Variants in ADAMTS3 observed in about 807,000 individuals in gnomAD.
The protein encoded by ADAMTS3 is A disintegrin and metalloproteinase with thrombospondin motifs 3.
Under a neutral mutation model 129.0 loss-of-function variants are expected in ADAMTS3, and 73 were observed. The observed-to-expected ratio is 0.57, with a 90% confidence interval of 0.47 to 0.69. The LOEUF (loss-of-function observed/expected upper bound fraction) is 0.69. ADAMTS3 is among the 30% of genes least tolerant of loss of function. The pLI is 0.00. For missense variants in ADAMTS3, 1,457 were observed against 1,514.5 expected (o/e 0.96, Z 0.63); for synonymous variants, 477 against 510.8 (o/e 0.93, Z 0.89).
At chr4:72,467,670 C>T (rs17725271) in intron 3 of ADAMTS3, among the ~76,000 whole-genome samples, 34,668 of 151,926 alleles carry the variant, frequency 0.23, 4,384 homozygotes, top group Non-Finnish European at 0.29. Flanking sequence ...TCTTTAAGTC[C>T]AAGTCTTACC....
At chr4:72,511,872 C>T (rs1720324279) in intron 3 of ADAMTS3, among the ~76,000 whole-genome samples, 1 of 152,114 alleles carries the variant, frequency 6.6e-6, no homozygotes, top group Non-Finnish European at 1.5e-5. Flanking sequence ...AAGTGCCCAT[C>T]AACAGATGAA....
chr4:72,490,740 T>A (rs932144012), intron 3 of ADAMTS3, among the ~76,000 whole-genome samples: 11 of 151,908 alleles, frequency 7.2e-5, no homozygotes, highest in Non-Finnish European at 1.3e-4. Context: ...AGTGTAGCTT[T>A]GTAATAAAAT....
At chr4:72,519,941 G>C (rs1159087158) in intron 3 of ADAMTS3, among the ~76,000 whole-genome samples, 2 of 152,124 alleles carry the variant, frequency 1.3e-5, no homozygotes, top group East Asian at 3.8e-4. Context: ...CAGTTTTTCT[G>C]CTCTGTTTTT....
intron 4 of ADAMTS3, among the ~76,000 whole-genome samples, chr4:72,369,430 A>G (rs1720949399): frequency 1.3e-5 from 2 of 152,074 alleles, no homozygotes; most frequent in South Asian, 2.1e-4. Context: ...AAAAAATGTG[A>G]CCGGGCGCGG....
At chr4:72,566,904 A>C (rs760614708) in intron 2 of ADAMTS3, among the ~76,000 whole-genome samples, 1 of 152,244 alleles carries the variant, frequency 6.6e-6, no homozygotes, top group African/African-American at 2.4e-5. Flanking sequence ...AGATTGAATA[A>C]CAGAAGTCAT....
At position 72,446,918 on chromosome 4, in the gene ADAMTS3, A is replaced by T. The variant is rs571406164; in HGVS notation, c.505-31947T>A. Among the ~76,000 whole-genome samples the T allele has an allele frequency of 2.0e-5, 3 of 151,834 alleles. No individual in the cohort carries two copies. In the East Asian group the frequency reaches 5.9e-4, roughly 30 times the overall value. Reference sequence around the variant, plus strand: ...TCCTCCTTAACAAGTCTGCCAACTCAAATTTAAAACCTAAAATTGATATTT... The same window carrying T: ...TCCTCCTTAACAAGTCTGCCAACTCTAATTTAAAACCTAAAATTGATATTT... On this transcript the variant is annotated intron_variant, in intron 3 of 21. Coordinates refer to ENST00000286657, the MANE Select transcript of ADAMTS3 (RefSeq NM_014243.3).
chr4:72,559,060 T>C (rs1346310537), intron 2 of ADAMTS3, among the ~76,000 whole-genome samples: 1 of 150,388 alleles, frequency 6.6e-6, no homozygotes, highest in East Asian at 1.9e-4. Flanking sequence ...ATAAAACCAA[T>C]ACAGAGGAAA....
intron 3 of ADAMTS3, among the ~76,000 whole-genome samples, chr4:72,452,494 G>A (rs903239436): frequency 1.3e-5 from 2 of 151,690 alleles, no homozygotes; most frequent in Admixed American, 1.3e-4. Context: ...ATAATTGTAT[G>A]CTTGAAATGC....
chr4:72,309,832 AAAC>A (rs1442935401), intron 14 of ADAMTS3, among the ~76,000 whole-genome samples: 4 of 152,106 alleles, frequency 2.6e-5, no homozygotes, highest in East Asian at 3.9e-4. Flanking sequence ...GGAGACAAGA[AAAC>A]AACAAGACAG....
At chr4:72,329,343 G>A (rs532083117) in intron 5 of ADAMTS3, among the ~76,000 whole-genome samples, 1 of 152,270 alleles carries the variant, frequency 6.6e-6, no homozygotes, top group African/African-American at 2.4e-5. Flanking sequence ...GAGAACCATG[G>A]ACAGGAAGGA....
chr4:72,472,243 C>T (rs1425623928), intron 3 of ADAMTS3, among the ~76,000 whole-genome samples: 1 of 152,054 alleles, frequency 6.6e-6, no homozygotes, highest in Non-Finnish European at 1.5e-5. Context: ...AAATTCCATG[C>T]CCCTTAGAAG....
intron 3 of ADAMTS3, among the ~76,000 whole-genome samples, 164 bp downstream of exon 3, chr4:72,548,314 A>G (rs542323819): frequency 6.6e-6 from 1 of 152,234 alleles, no homozygotes; most frequent in African/African-American, 2.4e-5. Context: ...TTAAGCCAAA[A>G]TGCATATCTT....
At chr4:72,333,856 T>TTTTC (rs1719916584) in intron 5 of ADAMTS3, among the ~76,000 whole-genome samples, 1 of 135,002 alleles carries the variant, frequency 7.4e-6, no homozygotes. Flanking sequence ...TGCTTTTTTT[T>TTTTC]TTTTTTTTTT....
rs537259720 is a variant in ADAMTS3, at chr4:72,418,136, A to T, written c.505-3165T>A. Reference sequence around the variant, plus strand: ...GCAGTTGATAGTAAAATCAAGTAAAATTTTTTTCCTCCATAATCTCACCAG... The same window carrying T: ...GCAGTTGATAGTAAAATCAAGTAAATTTTTTTTCCTCCATAATCTCACCAG... On this transcript the variant is annotated intron_variant, in intron 3 of 21. Coordinates refer to ENST00000286657, the MANE Select transcript of ADAMTS3 (RefSeq NM_014243.3). Among the ~76,000 whole-genome samples the T allele has an allele frequency of 2.6e-4, 40 of 151,890 alleles. No homozygotes were observed. In the East Asian group the frequency reaches 7.4e-3, roughly 28 times the overall value.
chr4:72,497,565 C>T (rs1053302446), intron 3 of ADAMTS3, among the ~76,000 whole-genome samples: 2 of 151,078 alleles, frequency 1.3e-5, no homozygotes, highest in African/African-American at 4.9e-5. Context: ...AAATTATTAA[C>T]CCAGAAGAAT....
intron 4 of ADAMTS3, among the ~76,000 whole-genome samples, chr4:72,403,978 TA>T (rs745868052): frequency 1.3e-5 from 2 of 152,020 alleles, no homozygotes; most frequent in Non-Finnish European, 2.9e-5. Context: ...GGATGGAGAA[TA>T]TTACATACTA....
At chr4:72,456,977 A>C (rs1002346981) in intron 3 of ADAMTS3, among the ~76,000 whole-genome samples, 14 of 151,702 alleles carry the variant, frequency 9.2e-5, no homozygotes, top group Non-Finnish European at 5.9e-5. Context: ...AAGTTTGTAG[A>C]AATCATCATG....
intron 17 of ADAMTS3, among the ~76,000 whole-genome samples, chr4:72,300,635 A>G (rs1354377690): frequency 6.6e-6 from 1 of 152,182 alleles, no homozygotes; most frequent in Non-Finnish European, 1.5e-5. Flanking sequence ...TAGTGCTAAA[A>G]CAACTGGACA....
intron 5 of ADAMTS3, among the ~76,000 whole-genome samples, chr4:72,335,158 T>G (rs1223480111): frequency 6.6e-6 from 1 of 152,154 alleles, no homozygotes; most frequent in African/African-American, 2.4e-5. Context: ...AATCATCTGG[T>G]TTTGAGTCTA....
Sources: allele counts gnomAD v4.1 joint callset (sites outside exome capture counted in the v4.1 genomes callset), GRCh38; gene constraint gnomAD v4.1.1; transcripts MANE v1.5; gene names NCBI Gene and HGNC (gene_info 2026-07-23, HGNC 2026-07-21).